PTPRR: variants seen among roughly 807,000 people sequenced by gnomAD.
PTPRR encodes the protein protein tyrosine phosphatase receptor type R.
Under a neutral mutation model 77.2 loss-of-function variants are expected in PTPRR, and 38 were observed. That is an observed-to-expected ratio of 0.49 (90% CI 0.38 to 0.65). The LOEUF (loss-of-function observed/expected upper bound fraction) is 0.65. PTPRR is among the 30% of genes least tolerant of loss of function. The probability of loss-of-function intolerance (pLI) is 0.00; values close to 1 mark genes in which losing one functional copy is unlikely to be tolerated. For missense variants in PTPRR, 744 were observed against 799.2 expected, an observed-to-expected ratio of 0.93 and a Z score of 0.83; for synonymous variants, 299 against 283.1, an observed-to-expected ratio of 1.06 and a Z score of -0.57.
intron 2 of PTPRR, among the ~76,000 whole-genome samples, chr12:70,796,502 C>T (rs1350519511): frequency 6.6e-6 from 1 of 152,006 alleles, no homozygotes; most frequent in Non-Finnish European, 1.5e-5. Context: ...TTTATCAGTG[C>T]TAAAGATAAT....
At chr12:70,823,108 G>GACACACACAC (rs58549756) in intron 2 of PTPRR, among the ~76,000 whole-genome samples, 1,399 of 139,640 alleles carry the variant, frequency 0.01, 24 homozygotes, top group African/African-American at 0.026. Context: ...CTCTCTCTCT[G>GACACACACAC]ACACACACAC....
intron 2 of PTPRR, among the ~76,000 whole-genome samples, chr12:70,868,949 C>T (rs1348001659): frequency 1.4e-5 from 2 of 148,112 alleles, no homozygotes; most frequent in Non-Finnish European, 3.0e-5. Context: ...AAACCAAACA[C>T]CGCATGTTCT....
chr12:70,918,878 A>G (rs1479417694), intron 1 of PTPRR, among the ~76,000 whole-genome samples: 1 of 152,164 alleles, frequency 6.6e-6, no homozygotes, highest in East Asian at 1.9e-4. Context: ...AGCATTGAAG[A>G]ATTGTATGTG....
intron 2 of PTPRR, 72 bp from the exon 3 acceptor site, chr12:70,764,850 T>C (rs1461392938): frequency 4.7e-6 from 5 of 1,064,896 alleles, no homozygotes; most frequent in Non-Finnish European, 7.1e-6. Context: ...TACATCCAAA[T>C]AAGTATTAAT....
At chr12:70,770,870 T>C (rs1295794095) in intron 2 of PTPRR, among the ~76,000 whole-genome samples, 2 of 151,638 alleles carry the variant, frequency 1.3e-5, no homozygotes, top group Non-Finnish European at 2.9e-5. Flanking sequence ...TGGATGAAAT[T>C]GGAAATCATC....
rs148712695 is a variant in PTPRR, at chr12:70,711,191, A to G, written c.1008-9868T>C. ...AAAGAAAATGTGCTACATATACACC[A>G]TGTAATACTATGCAGCCATAAAAAA... is the stretch of plus-strand genomic sequence containing the variant. On this transcript the variant is annotated intron_variant, in intron 6 of 13. Coordinates refer to ENST00000283228, the MANE Select transcript of PTPRR (RefSeq NM_002849.4). 4.6e-5 allele frequency among the ~76,000 whole-genome samples: 7 copies of G among 152,312 alleles called. 1 individual carries two copies. In the South Asian group the frequency reaches 1.2e-3, roughly 27 times the overall value.
chr12:70,763,425 T>A (rs1890738987), intron 3 of PTPRR, among the ~76,000 whole-genome samples: 1 of 152,154 alleles, frequency 6.6e-6, no homozygotes, highest in South Asian at 2.1e-4. Context: ...AGCCACCGGG[T>A]AACCTTCACT....
intron 6 of PTPRR, among the ~76,000 whole-genome samples, chr12:70,720,507 T>C (rs1301210057): frequency 7.2e-5 from 10 of 138,976 alleles, no homozygotes; most frequent in Non-Finnish European, 3.1e-5. Flanking sequence ...GTTACCCTGG[T>C]AATTTTTTTT....
intron 8 of PTPRR, among the ~76,000 whole-genome samples, chr12:70,694,341 T>C (rs1476197493): frequency 6.6e-6 from 1 of 152,150 alleles, no homozygotes; most frequent in Non-Finnish European, 1.5e-5. Context: ...AAAAGAAATA[T>C]GCATACAATT....
chr12:70,869,660 G>A (rs1275357260), intron 2 of PTPRR, among the ~76,000 whole-genome samples: 1 of 152,148 alleles, frequency 6.6e-6, no homozygotes, highest in Non-Finnish European at 1.5e-5. Flanking sequence ...ACAAGAGGGA[G>A]GGTCAGAATC....
At chr12:70,655,505 A>G (rs935905211) in intron 13 of PTPRR, among the ~76,000 whole-genome samples, 4 of 152,238 alleles carry the variant, frequency 2.6e-5, no homozygotes, top group Non-Finnish European at 5.9e-5. Context: ...AGTCTTCATC[A>G]ATTGATGAAT....
chr12:70,757,422 C>T (rs887260310), intron 4 of PTPRR, among the ~76,000 whole-genome samples: 2 of 152,006 alleles, frequency 1.3e-5, no homozygotes, highest in African/African-American at 4.8e-5. Flanking sequence ...ATTTTATTTT[C>T]CTGGGATTTT....
intron 6 of PTPRR, among the ~76,000 whole-genome samples, chr12:70,722,812 T>A (rs987083378): frequency 6.6e-6 from 1 of 151,928 alleles, no homozygotes; most frequent in Admixed American, 6.6e-5. Context: ...TACAATAGAG[T>A]GAGGTAAGCC....
At chr12:70,899,531 G>GA (rs1349990518) in intron 1 of PTPRR, among the ~76,000 whole-genome samples, 1 of 151,316 alleles carries the variant, frequency 6.6e-6, no homozygotes, top group African/African-American at 2.4e-5. Flanking sequence ...TTCATAGTAA[G>GA]AAAAAATTAA....
intron 1 of PTPRR, among the ~76,000 whole-genome samples, chr12:70,908,182 G>T (rs957889589): frequency 1.3e-5 from 2 of 150,842 alleles, no homozygotes; most frequent in Non-Finnish European, 2.9e-5. Flanking sequence ...AGCAGATTAG[G>T]AATTATATTA....
At chr12:70,860,033 G>A (rs1215881469) in intron 2 of PTPRR, among the ~76,000 whole-genome samples, 2 of 151,762 alleles carry the variant, frequency 1.3e-5, no homozygotes, top group African/African-American at 4.8e-5. Context: ...CTCCTCAGGG[G>A]TTAAGTTTAA....
intron 2 of PTPRR, among the ~76,000 whole-genome samples, chr12:70,800,506 G>A (rs370717542): frequency 1.3e-5 from 2 of 152,136 alleles, no homozygotes; most frequent in African/African-American, 4.8e-5. Context: ...CCCAGTCACT[G>A]CAAATACACT....
intron 10 of PTPRR, among the ~76,000 whole-genome samples, chr12:70,663,712 GTTTTA>G (rs1886878070): frequency 3.9e-5 from 6 of 152,040 alleles, no homozygotes; most frequent in Admixed American, 3.9e-4. Flanking sequence ...AAATGTTTAT[GTTTTA>G]TTTTGAGTGC....
chr12:70,901,970 C>A, intron 1 of PTPRR, among the ~76,000 whole-genome samples: 1 of 151,212 alleles, frequency 6.6e-6, no homozygotes, highest in Non-Finnish European at 1.5e-5. Context: ...TCAGCAAGAA[C>A]AAAACAAACA....
Sources: gnomAD v4.1 joint callset for allele counts (sites outside exome capture counted in the v4.1 genomes callset) on GRCh38, gnomAD v4.1.1 for gene constraint, MANE v1.5 for transcripts, NCBI Gene and HGNC (gene_info 2026-07-23, HGNC 2026-07-21) for gene names.